Variants in DLG5 observed in about 807,000 individuals in gnomAD.
DLG5 encodes disks large homolog 5.
DLG5 carries 48 observed loss-of-function variants against 189.8 expected under a neutral mutation model. The ratio of observed to expected loss-of-function variants is 0.25; its 90% CI spans 0.20 to 0.32. DLG5 has a LOEUF of 0.32. DLG5 is among the 10% of genes least tolerant of loss of function. DLG5 has a pLI of 1.00. For synonymous variants in DLG5, 1,016 were observed against 1,054.1 expected, an observed-to-expected ratio of 0.96 and a Z score of 0.70; for missense variants, 2,160 against 2,544.7, an observed-to-expected ratio of 0.85 and a Z score of 3.25.
At chr10:77,888,436 C>CA (rs1424606811) in intron 1 of DLG5, among the ~76,000 whole-genome samples, 1 of 152,000 alleles carries the variant, frequency 6.6e-6, no homozygotes, top group Non-Finnish European at 1.5e-5. Flanking sequence ...AAAGAATGTG[C>CA]AAAAAACCAT....
At chr10:77,846,353 A>T (rs1392139124) in intron 5 of DLG5, among the ~76,000 whole-genome samples, 2 of 152,228 alleles carry the variant, frequency 1.3e-5, no homozygotes. Flanking sequence ...AAGGTCCAGC[A>T]TCTAAACTGG....
At chr10:77,878,905 C>A (rs1054884924) in intron 1 of DLG5, among the ~76,000 whole-genome samples, 1 of 152,166 alleles carries the variant, frequency 6.6e-6, no homozygotes, top group South Asian at 2.1e-4. Context: ...AAAGATGCTA[C>A]GCATTGGTGG....
chr10:77,859,698 A>G (rs1844397113), intron 2 of DLG5, among the ~76,000 whole-genome samples: 1 of 152,210 alleles, frequency 6.6e-6, no homozygotes, highest in Non-Finnish European at 1.5e-5. Flanking sequence ...TTACCAAATG[A>G]CAACGCATTT....
Position 77,817,147 on chromosome 10 carries a change from C to T in DLG5, c.3785-51G>A, listed in dbSNP as rs754729083. 1.9e-5 allele frequency: 29 copies of T among 1,492,108 alleles called. No individual in the cohort carries two copies. In the South Asian group the frequency reaches 2.9e-4, roughly 15 times the overall value. The allele number at this position is 1,492,108 out of a possible 1,614,324, so 92.4% of individuals were successfully genotyped here. On this transcript the variant is annotated intron_variant, in intron 18 of 31. Coordinates refer to ENST00000372391, the MANE Select transcript of DLG5 (RefSeq NM_004747.4). ...TTCAGGCCTCATGGTTAAACACCAC[C>T]CTGTCCTTCCTCTCCACCAGGCTAC...
chr10:77,849,991 T>C (rs927416044), intron 5 of DLG5, among the ~76,000 whole-genome samples: 2 of 152,216 alleles, frequency 1.3e-5, no homozygotes, highest in Non-Finnish European at 2.9e-5. Flanking sequence ...TGAGCCACTG[T>C]ACCCAGACTG....
At position 77,816,648 on chromosome 10, in the gene DLG5, C is replaced by T. The variant is rs969890486; in HGVS notation, c.3928G>A (p.Asp1310Asn). 2.5e-6 allele frequency: 4 copies of T among 1,613,922 alleles called. No homozygotes were observed. The highest frequency in any genetic ancestry group is 1.1e-5 in the South Asian group (1 of 91,042). The change falls in exon 20 of 32, where the codon GAC (aspartate) becomes AAC (asparagine). Residue 1310 changes from aspartate (D) to asparagine (N), a missense_variant. This residue lies in a region of DLG5 where 754 missense variants were observed against 746.5 expected (regional missense o/e 1.01). Coordinates refer to ENST00000372391, the MANE Select transcript of DLG5 (RefSeq NM_004747.4). ...GACTGGCTACAAGAGGACAGGGTGT[C>T]GATGTTCAGGGGTGACTGTGGAGGA... ...STPPQSPLNI[D>N]TLSSCSQSQT...
At chr10:77,857,722 G>A (rs1207103529) in intron 2 of DLG5, among the ~76,000 whole-genome samples, 2 of 152,248 alleles carry the variant, frequency 1.3e-5, no homozygotes, top group African/African-American at 2.4e-5. Context: ...CCCAGGAGAA[G>A]AGACTAATCC....
At chr10:77,862,895 G>C (rs546815255) in intron 2 of DLG5, among the ~76,000 whole-genome samples, 2 of 152,296 alleles carry the variant, frequency 1.3e-5, no homozygotes, top group East Asian at 3.9e-4. Flanking sequence ...AAAGAGATGA[G>C]TGGCTGCCAA....
chr10:77,826,403 AT>A (rs1842641901), intron 13 of DLG5, among the ~76,000 whole-genome samples: 1 of 151,880 alleles, frequency 6.6e-6, no homozygotes, highest in Non-Finnish European at 1.5e-5. Context: ...CTGAGGGCAG[AT>A]CGTTTGAGGT....
At position 77,811,270 on chromosome 10, in the gene DLG5, C is replaced by T. The variant is rs188360129; in HGVS notation, c.4323-36G>A. ...AGGACAGGAGGGATAAGGAGCAGTACGAAGCCACCCAGAGCCACCCCCACT... is the reference window on the plus strand; with the variant it reads ...AGGACAGGAGGGATAAGGAGCAGTATGAAGCCACCCAGAGCCACCCCCACT... On this transcript the variant is annotated intron_variant, in intron 22 of 31. Transcript: ENST00000372391. 4.9e-5 allele frequency: 78 copies of T among 1,593,528 alleles called. No homozygotes were observed. In the East Asian group the frequency reaches 1.4e-3, roughly 29 times the overall value.
chr10:77,899,897 C>T (rs1845874223), intron 1 of DLG5, among the ~76,000 whole-genome samples: 1 of 152,176 alleles, frequency 6.6e-6, no homozygotes, highest in African/African-American at 2.4e-5. Flanking sequence ...CTCCACACAA[C>T]ACCAACACCC....
chr10:77,868,116 C>T lies in DLG5; in HGVS notation c.373+1013G>A, dbSNP rs1300182009. ...GCCTCACTGACACTTTGATCTTGGG[C>T]TTCTGTCCTCCAGAACTGTGAGACA... On this transcript the variant is annotated intron_variant, in intron 2 of 31. Coordinates refer to ENST00000372391, the MANE Select transcript of DLG5 (RefSeq NM_004747.4). 10 of 455,800 alleles carry T rather than the reference C, an allele frequency of 2.2e-5. No homozygotes were observed. In the East Asian group the frequency reaches 6.9e-4, roughly 32 times the overall value. 28.2% of individuals were successfully genotyped at this position (455,800 alleles called of 1,614,324 possible).
In DLG5 at chr10:77,819,328, G is replaced by A; in HGVS notation, c.3664C>T (p.His1222Tyr). 1 of 1,613,942 alleles carries A rather than the reference G, an allele frequency of 6.2e-7. No individual in the cohort carries two copies. Among genetic ancestry groups the A allele is most frequent in the Non-Finnish European group, 8.5e-7 (1 of 1,179,992 alleles). ...TAGGGTGCCTTCACATACCTGGGAT[G>A]CAAACCCTGGGGGCCAGCATCTCGG... ...AARDAGPQGL[H>Y]PSVQHQGRLS... The change falls in exon 17 of 32, where the codon CAT becomes TAT. Residue 1222 changes from histidine (H) to tyrosine (Y), a missense_variant. By Grantham distance (83) the His-to-Tyr change is moderately conservative. This residue lies in a region of DLG5 where 754 missense variants were observed against 746.5 expected (regional missense o/e 1.01). Transcript: ENST00000372391.
intron 30 of DLG5, among the ~76,000 whole-genome samples, chr10:77,794,637 G>A (rs545056030): frequency 9.2e-5 from 14 of 152,358 alleles, no homozygotes; most frequent in South Asian, 2.1e-4. Flanking sequence ...GGAGGGGCGC[G>A]AGGAAGGGGC....
Position 77,919,153 on chromosome 10 carries a change from G to A in DLG5, c.304+7064C>T, listed in dbSNP as rs933366122. Among the ~76,000 whole-genome samples, 8 of 152,066 alleles carry A rather than the reference G, an allele frequency of 5.3e-5. No individual in the cohort carries two copies. The East Asian group carries it at 7.7e-4, about 15-fold the overall frequency. On this transcript the variant is annotated intron_variant, in intron 1 of 31. Coordinates refer to ENST00000372391, the MANE Select transcript of DLG5 (RefSeq NM_004747.4). ...ATCACTTGAACCTGGGAGGCAGAGG[G>A]TGCAGTAAGCTGAGATTGCACCACT...
chr10:77,855,659 C>T (rs1041551605), intron 3 of DLG5, among the ~76,000 whole-genome samples: 15 of 152,274 alleles, frequency 9.9e-5, no homozygotes, highest in Non-Finnish European at 2.1e-4. Context: ...TCCACGTCTT[C>T]ACTCATCCTG....
intron 6 of DLG5, among the ~76,000 whole-genome samples, chr10:77,842,837 C>G (rs1016229262): frequency 1.3e-5 from 2 of 152,302 alleles, no homozygotes; most frequent in Middle Eastern, 3.4e-3. Flanking sequence ...CACAACACCA[C>G]GCTGAAGGCT....
chr10:77,869,133 ACTGCTGAGGGAG>A lies in DLG5; in HGVS notation c.357_368del (p.Ser120_Ser123del). On this transcript the variant is annotated inframe_deletion, in exon 2 of 32. Coordinates refer to ENST00000372391, the MANE Select transcript of DLG5 (RefSeq NM_004747.4). ...TCCCCAGACAGTGGTACTCACCCAC[ACTGCTGAGGGAG>A]CTGCTGCTTTCTGAGTCTGAGGGCA... 3 of 1,613,752 alleles carry A rather than the reference ACTGCTGAGGGAG, an allele frequency of 1.9e-6. No homozygotes were observed. The highest frequency in any genetic ancestry group is 2.5e-6 in the Non-Finnish European group (3 of 1,179,878).
At chr10:77,815,110 GC>G (rs1410678222) in intron 20 of DLG5, among the ~76,000 whole-genome samples, 1 of 152,054 alleles carries the variant, frequency 6.6e-6, no homozygotes, top group African/African-American at 2.4e-5. Context: ...GCAGTGGGTG[GC>G]AAGGCCTTTT....
Sources: gnomAD v4.1 joint callset for allele counts (sites outside exome capture counted in the v4.1 genomes callset) on GRCh38, gnomAD v4.1.1 for gene constraint, gnomAD v4.1.1 regional missense constraint, MANE v1.5 for transcripts, NCBI Gene and HGNC (gene_info 2026-07-23, HGNC 2026-07-21) for gene names.